CCNI: variants seen among roughly 807,000 people sequenced by gnomAD.
CCNI encodes the protein cyclin-I.
CCNI carries 14 observed loss-of-function variants against 34.1 expected under a neutral mutation model. That is an observed-to-expected ratio of 0.41 (90% CI 0.27 to 0.64). The LOEUF is 0.64. Ranked by LOEUF, CCNI falls within the 30% of genes least tolerant of loss-of-function variation. The pLI is 0.31. For missense variants in CCNI, 385 were observed against 440.5 expected (o/e 0.87, Z 1.13); for synonymous variants, 154 against 158.4 (o/e 0.97, Z 0.21).
At chr4:77,070,081 G>A (rs981649036) in intron 1 of CCNI, among the ~76,000 whole-genome samples, 4 of 147,418 alleles carry the variant, frequency 2.7e-5, no homozygotes, top group Non-Finnish European at 5.9e-5. Flanking sequence ...GTAGTGGCAC[G>A]ATCTCGGCTC....
At chr4:77,071,679 T>C (rs1279021492) in intron 1 of CCNI, among the ~76,000 whole-genome samples, 1 of 152,074 alleles carries the variant, frequency 6.6e-6, no homozygotes, top group African/African-American at 2.4e-5. Context: ...CTACCTACCT[T>C]ACAGAAATAA....
chr4:77,059,281 A>G (rs1728445339), intron 2 of CCNI, among the ~76,000 whole-genome samples: 1 of 151,954 alleles, frequency 6.6e-6, no homozygotes, highest in East Asian at 1.9e-4. Flanking sequence ...AATTTTTAGC[A>G]GGGACACACT....
intron 1 of CCNI, among the ~76,000 whole-genome samples, chr4:77,069,164 C>T (rs558004937): frequency 6.6e-6 from 1 of 152,332 alleles, no homozygotes; most frequent in South Asian, 2.1e-4. Context: ...GGCCTGTAAT[C>T]CTTGCACTTT....
chr4:77,065,930 T>C (rs1305660319), intron 2 of CCNI, among the ~76,000 whole-genome samples: 2 of 152,122 alleles, frequency 1.3e-5, no homozygotes, highest in Non-Finnish European at 2.9e-5. Flanking sequence ...TGAAACCCCA[T>C]CTCTACCAAA....
chr4:77,048,521 T>A lies in CCNI; in HGVS notation c.832A>T (p.Arg278Ter). Residue 278 changes from arginine to a stop codon, truncating the protein, a stop_gained, in exon 7 of 7, where the codon AGA (arginine) becomes TGA (stop). Coordinates refer to ENST00000237654, the MANE Select transcript of CCNI (RefSeq NM_006835.3). LOFTEE classifies it high-confidence loss of function. ...TLVTCDKGVF[R>*]LHPSSVPGPD... ...CCTGGGACAGAGGAGGGATGTAATC[T>A]GAACACTCCTTTGTCACAGGTCACC... 1 of 1,614,042 alleles carries A rather than the reference T, an allele frequency of 6.2e-7. No individual in the cohort carries two copies.
At chr4:77,052,188 A>G (rs921801576) in intron 6 of CCNI, among the ~76,000 whole-genome samples, 4 of 139,332 alleles carry the variant, frequency 2.9e-5, no homozygotes, top group African/African-American at 1.1e-4. Flanking sequence ...CCCAACGTTT[A>G]GCTCCCACTT....
chr4:77,055,022 T>A (rs1315168195), intron 6 of CCNI, 128 bp downstream of exon 6: 1 of 617,202 alleles, frequency 1.6e-6, no homozygotes, highest in African/African-American at 1.9e-5. Context: ...ATATATACTT[T>A]ACTCTTGTCT....
At chr4:77,058,253 G>C (rs1280381158) in intron 3 of CCNI, among the ~76,000 whole-genome samples, 1 of 152,148 alleles carries the variant, frequency 6.6e-6, no homozygotes, top group Non-Finnish European at 1.5e-5. Flanking sequence ...TACTTGGGAG[G>C]CTGAGGCACA....
intron 1 of CCNI, among the ~76,000 whole-genome samples, chr4:77,071,440 G>A (rs759611082): frequency 6.6e-6 from 1 of 152,100 alleles, no homozygotes; most frequent in Non-Finnish European, 1.5e-5. Context: ...CCACCTTAAG[G>A]TAATGGAAAA....
At position 77,058,581 on chromosome 4, in the gene CCNI, A is replaced by G. The variant is rs765837182; in HGVS notation, c.169T>C (p.Tyr57His). The change falls in exon 3 of 7, where the codon TAC becomes CAC. Residue 57 changes from tyrosine to histidine, a missense_variant. Tyr to His is a moderately conservative substitution (Grantham distance 83, BLOSUM62 2). Transcript: ENST00000237654. ...EVIQWLAKLK[Y>H]QFNLYPETFA... ...GTTTCTGGGTAAAGGTTGAATTGGT[A>G]CTTGAGTTTGGCCAGCCATTGAATT... 7.4e-6 allele frequency: 12 copies of G among 1,613,242 alleles called. No homozygotes were observed. In the South Asian group the frequency reaches 1.1e-4, roughly 15 times the overall value.
chr4:77,048,316 A>C lies in CCNI; in HGVS notation c.1037T>G (p.Val346Gly). Residue 346 changes from valine (V) to glycine (G), a missense_variant, in exon 7 of 7, where the codon GTC (valine) becomes GGC (glycine). Transcript: ENST00000237654. The part of the protein sequence containing the change: ...GIKRLYNEDN[V>G]SENVGSVCGT... ...ACACACAGAACCCACATTTTCTGAG[A>C]CATTATCTTCATTATAGAGCCGTTT... 1 of 1,614,066 alleles carries C rather than the reference A, an allele frequency of 6.2e-7. No homozygotes were observed. The highest frequency in any genetic ancestry group is 8.5e-7 in the Non-Finnish European group (1 of 1,179,996).
chr4:77,063,534 C>T (rs4252841), intron 2 of CCNI, among the ~76,000 whole-genome samples: 4,470 of 151,724 alleles, frequency 0.029, 203 homozygotes, highest in African/African-American at 0.1. Context: ...CTAAAAAATA[C>T]AAAAAATTAG....
At chr4:77,073,771 C>T (rs185552629) in intron 1 of CCNI, among the ~76,000 whole-genome samples, 33 of 152,282 alleles carry the variant, frequency 2.2e-4, no homozygotes, top group African/African-American at 6.7e-4. Flanking sequence ...ATAATTCTAC[C>T]TTTACATTTA....
intron 1 of CCNI, among the ~76,000 whole-genome samples, chr4:77,068,934 C>T (rs1206615434): frequency 1.3e-5 from 2 of 152,024 alleles, no homozygotes; most frequent in South Asian, 2.1e-4. Flanking sequence ...TGTCTTTAAA[C>T]GCCTGAGTTT....
At chr4:77,049,447 G>A (rs541718059) in intron 6 of CCNI, among the ~76,000 whole-genome samples, 1 of 152,136 alleles carries the variant, frequency 6.6e-6, no homozygotes, top group African/African-American at 2.4e-5. Context: ...GGAGGCCAAG[G>A]CAGGTGGATC....
Position 77,058,488 on chromosome 4 carries a change from T to C in CCNI, c.243+19A>G. 6.2e-7 allele frequency: 1 copy of C among 1,600,868 alleles called. No homozygotes were observed. The highest frequency in any genetic ancestry group is 8.5e-7 in the Non-Finnish European group (1 of 1,171,630). On this transcript the variant is annotated intron_variant, in intron 3 of 6. Coordinates refer to ENST00000237654, the MANE Select transcript of CCNI (RefSeq NM_006835.3). ...ACACTCAAATGAGGTTATATGTAAG[T>C]CTATCTTAAAACACTTACCTTTACG...
In CCNI at chr4:77,058,490, T is replaced by C; in HGVS notation, c.243+17A>G. On this transcript the variant is annotated intron_variant, in intron 3 of 6. Coordinates refer to ENST00000237654, the MANE Select transcript of CCNI (RefSeq NM_006835.3). ...ACTCAAATGAGGTTATATGTAAGTC[T>C]ATCTTAAAACACTTACCTTTACGGT... The C allele has an allele frequency of 6.2e-7, 1 of 1,603,346 alleles. No individual in the cohort carries two copies. The highest frequency in any genetic ancestry group is 8.5e-7 in the Non-Finnish European group (1 of 1,173,708).
At chr4:77,057,327 T>C (rs1486776419) in intron 3 of CCNI, among the ~76,000 whole-genome samples, 1 of 152,240 alleles carries the variant, frequency 6.6e-6, no homozygotes, top group African/African-American at 2.4e-5. Flanking sequence ...ATTAAACATT[T>C]GAAACAAAGT....
chr4:77,069,571 T>C (rs1021559753), intron 1 of CCNI, among the ~76,000 whole-genome samples: 1 of 147,618 alleles, frequency 6.8e-6, no homozygotes, highest in African/African-American at 2.5e-5. Context: ...GTATATCTCC[T>C]AATGCTATCC....
Sources: gnomAD v4.1 joint callset for allele counts (sites outside exome capture counted in the v4.1 genomes callset) on GRCh38, gnomAD v4.1.1 for gene constraint, MANE v1.5 for transcripts, NCBI Gene and HGNC (gene_info 2026-07-23, HGNC 2026-07-21) for gene names.